NAALADL2: variants seen among roughly 807,000 people sequenced by gnomAD.
NAALADL2 encodes the protein inactive N-acetylated-alpha-linked acidic dipeptidase-like protein 2.
NAALADL2 carries 76 observed loss-of-function variants against 87.2 expected under a neutral mutation model. The ratio of observed to expected loss-of-function variants is 0.87; its 90% CI spans 0.72 to 1.05. The LOEUF (loss-of-function observed/expected upper bound fraction) is 1.05, where lower values mean the gene tolerates loss of function less well. Ranked by LOEUF, NAALADL2 falls within the 50% of genes least tolerant of loss-of-function variation. The pLI, the probability that NAALADL2 is intolerant of heterozygous loss-of-function variation, is 0.00. For synonymous variants in NAALADL2, 354 were observed against 331.0 expected, an observed-to-expected ratio of 1.07 and a Z score of -0.75; for missense variants, 1,089 against 945.8, an observed-to-expected ratio of 1.15 and a Z score of -1.99.
At chr3:174,873,834 A>G (rs1377997774) in intron 1 of NAALADL2, among the ~76,000 whole-genome samples, 1 of 151,568 alleles carries the variant, frequency 6.6e-6, no homozygotes, top group Non-Finnish European at 1.5e-5. Flanking sequence ...GGAAGGAAAC[A>G]TATTGAAAGA....
chr3:174,603,970 T>C (rs1205422934), intron 2 of NAALADL2, among the ~76,000 whole-genome samples: 8 of 152,212 alleles, frequency 5.3e-5, no homozygotes, highest in Admixed American at 5.2e-4. Flanking sequence ...AACATTGTTT[T>C]GTGACCTTAC....
intron 3 of NAALADL2, among the ~76,000 whole-genome samples, chr3:174,841,753 TG>T (rs1724047676): frequency 6.6e-6 from 1 of 152,220 alleles, no homozygotes; most frequent in African/African-American, 2.4e-5. Flanking sequence ...CCTATTGTCT[TG>T]GGGTTCTTCT....
At chr3:174,986,230 G>A (rs1406012226) in intron 1 of NAALADL2, among the ~76,000 whole-genome samples, 1 of 147,714 alleles carries the variant, frequency 6.8e-6, no homozygotes, top group Non-Finnish European at 1.5e-5. Context: ...TCAACATGTA[G>A]ATGTGTGTAT....
chr3:174,745,710 G>A (rs779978632), intron 3 of NAALADL2, among the ~76,000 whole-genome samples: 14 of 152,090 alleles, frequency 9.2e-5, no homozygotes, highest in African/African-American at 2.7e-4. Context: ...TGAGCAAACC[G>A]AATCCAGCAG....
intron 2 of NAALADL2, among the ~76,000 whole-genome samples, chr3:175,229,299 GA>G (rs1161012784): frequency 6.6e-6 from 1 of 151,658 alleles, no homozygotes; most frequent in Non-Finnish European, 1.5e-5. Flanking sequence ...GTTTTACATA[GA>G]AAAAATGAAG....
intron 10 of NAALADL2, among the ~76,000 whole-genome samples, chr3:175,595,395 T>C (rs1455225498): frequency 3.3e-5 from 5 of 152,060 alleles, no homozygotes; most frequent in Admixed American, 3.3e-4. Context: ...TTTTGATTAG[T>C]GTAGCCTTGT....
chr3:175,145,657 G>A (rs1267677841), intron 2 of NAALADL2, among the ~76,000 whole-genome samples: 2 of 151,208 alleles, frequency 1.3e-5, no homozygotes, highest in South Asian at 2.1e-4. Flanking sequence ...ATTCAATTTT[G>A]TATTACTGTC....
At chr3:175,638,625 G>A (rs111581265) in intron 11 of NAALADL2, among the ~76,000 whole-genome samples, 179 of 152,126 alleles carry the variant, frequency 1.2e-3, no homozygotes, top group African/African-American at 4.3e-3. Flanking sequence ...AGCTTCTTCC[G>A]GTACTAGTTA....
chr3:174,962,872 A>C (rs1742321457), intron 1 of NAALADL2, among the ~76,000 whole-genome samples: 1 of 151,968 alleles, frequency 6.6e-6, no homozygotes, highest in African/African-American at 2.4e-5. Context: ...CTAATGCTAT[A>C]TTTCCTTATA....
intron 2 of NAALADL2, among the ~76,000 whole-genome samples, chr3:175,203,441 A>T (rs990528518): frequency 6.6e-6 from 1 of 152,196 alleles, no homozygotes; most frequent in Non-Finnish European, 1.5e-5. Flanking sequence ...TATTTGGAAG[A>T]GGAAGCTCTC....
chr3:175,181,703 A>ATATATGTG lies in NAALADL2; in HGVS notation c.546-52227_546-52226insATATGTGT, dbSNP rs1227887005. 1.9e-3 allele frequency among the ~76,000 whole-genome samples: 207 copies of ATATATGTG among 106,834 alleles called. 6 individuals are homozygous for ATATATGTG. Among genetic ancestry groups the ATATATGTG allele is most frequent in the African/African-American group, 7.7e-3 (200 of 25,836 alleles). 70.1% of individuals were successfully genotyped at this position (106,834 alleles called of 152,430 possible). On this transcript the variant is annotated intron_variant, in intron 2 of 13. Coordinates refer to ENST00000454872, the MANE Select transcript of NAALADL2 (RefSeq NM_207015.3). ...CATATATATATATATATATATATAT[A>ATATATGTG]TGTGTGTGTGTGTGTATATATATGT...
chr3:175,033,477 G>C (rs770469947), intron 1 of NAALADL2, among the ~76,000 whole-genome samples: 13 of 152,036 alleles, frequency 8.6e-5, no homozygotes, highest in Non-Finnish European at 7.4e-5. Flanking sequence ...ATTTTATCAT[G>C]TCACAGCTAC....
chr3:174,746,854 C>T (rs1734309128), intron 3 of NAALADL2, among the ~76,000 whole-genome samples: 1 of 152,110 alleles, frequency 6.6e-6, no homozygotes, highest in Non-Finnish European at 1.5e-5. Context: ...ATAAATTGTG[C>T]TGGGAAAACT....
Position 175,574,933 on chromosome 3 carries a change from G to A in NAALADL2, c.1654-1108G>A, listed in dbSNP as rs144885422. Among the ~76,000 whole-genome samples the A allele has an allele frequency of 2.6e-3, 391 of 152,144 alleles. 3 individuals are homozygous for A. The highest frequency in any genetic ancestry group is 9.2e-3 in the African/African-American group (382 of 41,522). ...TTGTCTCATTTTCTCACAACTGTCC[G>A]GGAGATTGCTATTCTTCCACGTTTC... is the stretch of plus-strand genomic sequence containing the variant. On this transcript the variant is annotated intron_variant, in intron 9 of 13. Transcript: ENST00000454872.
At chr3:175,028,577 A>T (rs1256004826) in intron 1 of NAALADL2, among the ~76,000 whole-genome samples, 1 of 152,034 alleles carries the variant, frequency 6.6e-6, no homozygotes, top group Non-Finnish European at 1.5e-5. Flanking sequence ...TTTCATGACC[A>T]TTTTTACCTC....
chr3:175,604,359 A>G (rs1246150541), intron 10 of NAALADL2, among the ~76,000 whole-genome samples: 1 of 138,608 alleles, frequency 7.2e-6, no homozygotes, highest in Non-Finnish European at 1.5e-5. Context: ...GCTGGAGTAC[A>G]GTGGTGCCAT....
At chr3:174,964,371 A>G (rs1368031049) in intron 1 of NAALADL2, among the ~76,000 whole-genome samples, 1 of 152,132 alleles carries the variant, frequency 6.6e-6, no homozygotes, top group Non-Finnish European at 1.5e-5. Flanking sequence ...AAGGAAATGA[A>G]TATGACTAGA....
chr3:174,806,896 G>T (rs1359880740), intron 3 of NAALADL2, among the ~76,000 whole-genome samples: 3 of 151,934 alleles, frequency 2.0e-5, no homozygotes, highest in Non-Finnish European at 4.4e-5. Context: ...AAGATTATTA[G>T]GTCCTTATAG....
chr3:175,096,717 T>C, intron 1 of NAALADL2, 73 bp from the exon 2 acceptor site: 2 of 999,660 alleles, frequency 2.0e-6, no homozygotes, highest in Non-Finnish European at 2.8e-6. Context: ...TGGCTTACTG[T>C]TTTGTTTTCA....
Sources: allele counts gnomAD v4.1 joint callset (sites outside exome capture counted in the v4.1 genomes callset), GRCh38; gene constraint gnomAD v4.1.1; transcripts MANE v1.5; gene names NCBI Gene and HGNC (gene_info 2026-07-23, HGNC 2026-07-21).